The following CDH4 variants were observed in gnomAD, a reference collection of about 807,000 sequenced individuals.
CDH4 encodes cadherin 4.
Under a neutral mutation model 86.0 loss-of-function variants are expected in CDH4, and 33 were observed. That is an observed-to-expected ratio of 0.38 (90% CI 0.29 to 0.51). The LOEUF is 0.51. CDH4 is among the 20% of genes least tolerant of loss of function. The pLI, the probability that CDH4 is intolerant of heterozygous loss-of-function variation, is 0.86. For synonymous variants in CDH4, 555 were observed against 549.4 expected, an observed-to-expected ratio of 1.01 and a Z score of -0.14; for missense variants, 1,114 against 1,307.4, an observed-to-expected ratio of 0.85 and a Z score of 2.28.
At chr20:61,846,525 G>A (rs1474134131) in intron 5 of CDH4, among the ~76,000 whole-genome samples, 2 of 152,064 alleles carry the variant, frequency 1.3e-5, no homozygotes, top group Non-Finnish European at 2.9e-5. Flanking sequence ...CACACACAGA[G>A]ATAGAGATAC....
rs143232098 is a variant in CDH4, at chr20:61,443,022, G to A, written c.169+188085G>A. Among the ~76,000 whole-genome samples, 970 of 152,306 alleles carry A rather than the reference G, an allele frequency of 6.4e-3. 1 individual carries two copies. Among genetic ancestry groups the A allele is most frequent in the Middle Eastern group, 0.01 (3 of 294 alleles). ...TATGTGAATCACAATGTCTTTAGAC[G>A]TTGCCAGTGTGTCTTGGAGACCAAA... is the stretch of plus-strand genomic sequence containing the variant. On this transcript the variant is annotated intron_variant, in intron 2 of 15. Coordinates refer to ENST00000614565, the MANE Select transcript of CDH4 (RefSeq NM_001794.5).
In CDH4 at chr20:61,501,492, C is replaced by T. The variant is rs568402239; in HGVS notation, c.170-242071C>T. ...TATTAGGTGAGCGATGTAGCTGGAA[C>T]GAGGCCTGGCTGAGATTCAGGAGAC... is the stretch of plus-strand genomic sequence containing the variant. On this transcript the variant is annotated intron_variant, in intron 2 of 15. Coordinates refer to ENST00000614565, the MANE Select transcript of CDH4 (RefSeq NM_001794.5). The surrounding 1 kb of genome is among the most constrained non-coding windows in gnomAD (Gnocchi z 4.2). Among the ~76,000 whole-genome samples the T allele has an allele frequency of 7.9e-5, 12 of 152,118 alleles. No individual in the cohort carries two copies. Among genetic ancestry groups the T allele is most frequent in the East Asian group, 5.8e-4 (3 of 5,170 alleles).
intron 4 of CDH4, among the ~76,000 whole-genome samples, chr20:61,798,936 C>T (rs371047993): frequency 3.3e-5 from 5 of 152,204 alleles, no homozygotes; most frequent in Admixed American, 1.3e-4. Context: ...GCTCCTTTCG[C>T]GACACAGGGC....
chr20:61,616,461 C>A (rs6089245), intron 2 of CDH4, among the ~76,000 whole-genome samples: 84,303 of 152,048 alleles, frequency 0.55, 26,465 homozygotes, highest in Non-Finnish European at 0.7. Context: ...AGCAGCCCAC[C>A]CTGTGGGAGT....
intron 2 of CDH4, among the ~76,000 whole-genome samples, chr20:61,515,558 T>G (rs1420424249): frequency 2.0e-5 from 3 of 152,158 alleles, no homozygotes; most frequent in African/African-American, 7.2e-5. Context: ...CTCCCTCCCT[T>G]CCTTCCCTCC....
chr20:61,572,979 T>C (rs2086353585), intron 2 of CDH4, among the ~76,000 whole-genome samples: 1 of 149,890 alleles, frequency 6.7e-6, no homozygotes, highest in Admixed American at 6.6e-5. Flanking sequence ...GAAGGATGGA[T>C]GGACGGATAG....
At chr20:61,643,628 C>G (rs1269639064) in intron 2 of CDH4, among the ~76,000 whole-genome samples, 2 of 152,212 alleles carry the variant, frequency 1.3e-5, no homozygotes, top group East Asian at 1.9e-4. Context: ...GTAATCGGAC[C>G]AGGCTTCCTC....
chr20:61,685,364 G>A (rs2087562518), intron 2 of CDH4, among the ~76,000 whole-genome samples: 1 of 152,176 alleles, frequency 6.6e-6, no homozygotes, highest in Non-Finnish European at 1.5e-5. Flanking sequence ...TGTGAAGCGG[G>A]GTGACTGCCC....
At position 61,708,082 on chromosome 20, in the gene CDH4, C is replaced by G. The variant is rs1105618; in HGVS notation, c.170-35481C>G. On this transcript the variant is annotated intron_variant, in intron 2 of 15. Coordinates refer to ENST00000614565, the MANE Select transcript of CDH4 (RefSeq NM_001794.5). The surrounding 1 kb of genome is among the most constrained non-coding windows in gnomAD (Gnocchi z 4.5). ...GTGCCCTGGACCCAGGACCTGGGCT[C>G]TGCTGGGGGTCCCGGGCTGTGGCGC... Among the ~76,000 whole-genome samples, 104,853 of 151,964 alleles carry G rather than the reference C, an allele frequency of 0.69. 38,411 individuals are homozygous for G. Among genetic ancestry groups the G allele is most frequent in the Admixed American group, 0.81 (12,450 of 15,286 alleles).
At chr20:61,564,289 A>G (rs2086245090) in intron 2 of CDH4, among the ~76,000 whole-genome samples, 1 of 152,150 alleles carries the variant, frequency 6.6e-6, no homozygotes, top group Non-Finnish European at 1.5e-5. Context: ...CATTAAGCAC[A>G]GTGTGTGTGG....
intron 2 of CDH4, among the ~76,000 whole-genome samples, chr20:61,418,830 T>C (rs1252285956): frequency 6.6e-6 from 1 of 152,084 alleles, no homozygotes; most frequent in Non-Finnish European, 1.5e-5. Flanking sequence ...TGTGATTATA[T>C]GGCAGCACCC....
intron 2 of CDH4, among the ~76,000 whole-genome samples, chr20:61,700,382 G>C (rs1304384727): frequency 6.6e-6 from 1 of 152,176 alleles, no homozygotes; most frequent in Non-Finnish European, 1.5e-5. Flanking sequence ...ATATATTCTT[G>C]GTCTGTCCTT....
intron 2 of CDH4, among the ~76,000 whole-genome samples, chr20:61,643,876 A>C (rs925647184): frequency 1.3e-5 from 2 of 152,230 alleles, no homozygotes; most frequent in African/African-American, 2.4e-5. Context: ...CCCCTGCTAC[A>C]TGAGTCCAGA....
chr20:61,366,937 T>C (rs1393100348), intron 2 of CDH4, among the ~76,000 whole-genome samples: 1 of 152,118 alleles, frequency 6.6e-6, no homozygotes, highest in East Asian at 1.9e-4. Context: ...AACGGGGTCA[T>C]AGCCCTGGAC....
rs1027461647 is a variant in CDH4, at chr20:61,895,186, G to T, written c.1188+139G>T. 3 of 1,032,176 alleles carry T rather than the reference G, an allele frequency of 2.9e-6. No individual in the cohort carries two copies. In the African/African-American group the frequency reaches 4.8e-5, roughly 17 times the overall value. 63.9% of individuals were successfully genotyped at this position (1,032,176 alleles called of 1,614,324 possible). On this transcript the variant is annotated intron_variant, in intron 8 of 15. Transcript: ENST00000614565. ...TAGCGTGTAAGAAAGGCCCTGGGCA[G>T]CGGAGGCTGCTGTGTGGAGTGGCTC...
intron 2 of CDH4, among the ~76,000 whole-genome samples, chr20:61,272,934 C>T (rs62199394): frequency 0.017 from 942 of 55,812 alleles, 8 homozygotes; most frequent in Non-Finnish European, 0.023. Flanking sequence ...GGGGGAGTAC[C>T]GTGTGCAGTT....
intron 2 of CDH4, among the ~76,000 whole-genome samples, chr20:61,493,921 C>T (rs374308926): frequency 1.3e-5 from 2 of 152,196 alleles, no homozygotes; most frequent in Admixed American, 6.5e-5. Flanking sequence ...AGAGCCTGGC[C>T]CATGGTCCTC....
chr20:61,672,437 C>G (rs2145847265), intron 2 of CDH4, among the ~76,000 whole-genome samples: 1 of 152,294 alleles, frequency 6.6e-6, no homozygotes, highest in Admixed American at 6.5e-5. Context: ...GAGCCCTCCG[C>G]AAAGTCAGAC....
rs779525771 is a variant in CDH4 at position 61,818,426 on chromosome 20, G to A, written c.577-26242G>A. On this transcript the variant is annotated intron_variant, in intron 4 of 15. Coordinates refer to ENST00000614565, the MANE Select transcript of CDH4 (RefSeq NM_001794.5). ...GTGTGGTGGCCCATCCTGTAATCCC[G>A]GCACTTTGGGAGCTGAAGTGGAAGG... Among the ~76,000 whole-genome samples, 82 of 152,214 alleles carry A rather than the reference G, an allele frequency of 5.4e-4. 1 individual carries two copies. The highest frequency in any genetic ancestry group is 1.0e-3 in the Non-Finnish European group (70 of 68,010).
Sources: gnomAD v4.1 joint callset for allele counts (sites outside exome capture counted in the v4.1 genomes callset) on GRCh38, gnomAD v4.1.1 for gene constraint, Gnocchi (gnomAD v3.1) non-coding constraint, MANE v1.5 for transcripts, NCBI Gene and HGNC (gene_info 2026-07-23, HGNC 2026-07-21) for gene names.